The following MEF2B variants were observed in gnomAD, a reference collection of about 807,000 sequenced individuals.
MEF2B encodes myocyte enhancer factor 2B, also known as myocyte-specific enhancer factor 2B.
MEF2B carries 15 observed loss-of-function variants against 32.2 expected under a neutral mutation model. The ratio of observed to expected loss-of-function variants is 0.47; its 90% confidence interval spans 0.31 to 0.72. The LOEUF is 0.72. Among genes scored for constraint, MEF2B ranks in the 30% least tolerant of loss-of-function variants. The pLI is 0.05. For missense variants in MEF2B, 441 were observed against 511.5 expected (o/e 0.86, Z 1.33); for synonymous variants, 205 against 225.6 (o/e 0.91, Z 0.82).
chr19:19,162,106 T>A (rs1458888046), intron 1 of MEF2B, among the ~76,000 whole-genome samples: 4 of 151,400 alleles, frequency 2.6e-5, no homozygotes, highest in Non-Finnish European at 4.4e-5. Context: ...CTGGCTGGGT[T>A]TCCTCTTTTT....
At chr19:19,163,643 AGTTTTCT>A (rs2060184802) in intron 1 of MEF2B, among the ~76,000 whole-genome samples, 1 of 151,448 alleles carries the variant, frequency 6.6e-6, no homozygotes, top group African/African-American at 2.4e-5. Context: ...CAACTTGCTC[AGTTTTCT>A]GTTTTTCTTT....
chr19:19,157,749 G>A (rs1348704431), intron 1 of MEF2B, among the ~76,000 whole-genome samples: 1 of 152,224 alleles, frequency 6.6e-6, no homozygotes, highest in Non-Finnish European at 1.5e-5. Flanking sequence ...TCGGGAGGCT[G>A]AGGCAGGAGA....
intron 1 of MEF2B, among the ~76,000 whole-genome samples, chr19:19,154,494 C>G (rs1052508241): frequency 1.3e-5 from 2 of 151,666 alleles, no homozygotes; most frequent in African/African-American, 2.4e-5. Context: ...GAGGCTTGCT[C>G]TGTCATGTAG....
Position 19,149,261 on chromosome 19 carries a change from G to C in MEF2B, c.223C>G (p.Pro75Ala). The C allele has an allele frequency of 6.2e-7, 1 of 1,613,960 alleles. No homozygotes were observed. Among genetic ancestry groups the C allele is most frequent in the Admixed American group, 1.7e-5 (1 of 59,974 alleles). ...TCAGTGTTGGTGCGGCTCTCGTGGG[G>C]CTCGCTGTACTCTGTGTACTTCAGC... ...VLLKYTEYSE[P>A]HESRTNTDIL... The change falls in exon 3 of 9, where the codon CCC becomes GCC. Residue 75 changes from proline to alanine, a missense_variant. Coordinates refer to ENST00000424583, the MANE Select transcript of MEF2B (RefSeq NM_001145785.2).
In MEF2B at chr19:19,146,402, G is replaced by A; in HGVS notation, c.770-18C>T. ...GCCATATTCTGGTGGGCAGGAATTG[G>A]GGGCTGAGGCCTGGACATCTCCTTA... On this transcript the variant is annotated intron_variant, in intron 7 of 8. Coordinates refer to ENST00000424583, the MANE Select transcript of MEF2B (RefSeq NM_001145785.2). 1 of 1,079,370 alleles carries A rather than the reference G, an allele frequency of 9.3e-7. No individual in the cohort carries two copies. Among genetic ancestry groups the A allele is most frequent in the Non-Finnish European group, 1.3e-6 (1 of 788,110 alleles). The allele number at this position is 1,079,370 out of a possible 1,614,324, so 66.9% of individuals were successfully genotyped here.
chr19:19,169,943 C>G (rs920186380), intron 1 of MEF2B, among the ~76,000 whole-genome samples: 1 of 152,134 alleles, frequency 6.6e-6, no homozygotes, highest in African/African-American at 2.4e-5. Context: ...AACTCTCCAA[C>G]TCCCCAACTC....
At chr19:19,158,445 T>TAA (rs370149412) in intron 1 of MEF2B, among the ~76,000 whole-genome samples, 8 of 124,120 alleles carry the variant, frequency 6.4e-5, no homozygotes, top group African/African-American at 5.9e-5. Flanking sequence ...ACCCTGCCCC[T>TAA]AAAAAAAAAA....
chr19:19,146,710 C>T (rs1282739252), intron 6 of MEF2B, 32 bp downstream of exon 6: 3 of 1,613,800 alleles, frequency 1.9e-6, no homozygotes, highest in Non-Finnish European at 2.5e-6. Flanking sequence ...TGCCTGCCCT[C>T]ATCAGCCCTG....
At chr19:19,149,486 G>A in intron 2 of MEF2B, 57 bp from the exon 3 acceptor site, 1 of 1,605,644 alleles carries the variant, frequency 6.2e-7, no homozygotes, top group Non-Finnish European at 8.5e-7. Flanking sequence ...AATGTGGGGT[G>A]GTGTAGGGGA....
chr19:19,145,788 G>T lies in MEF2B; in HGVS notation c.*9C>A. The stretch of plus-strand genomic sequence containing the variant: ...CGAGCGCTCTGGGCTGGTGCCACCG[G>T]GTGATCTCCTACCGGGGCCAGCCGT... On this transcript the variant is annotated 3_prime_UTR_variant, in exon 9 of 9. Transcript: ENST00000424583. The surrounding 1 kb of genome is among the most constrained non-coding windows in gnomAD (Gnocchi z 4.6). 1 of 1,547,752 alleles carries T rather than the reference G, an allele frequency of 6.5e-7. No homozygotes were observed. Among genetic ancestry groups the T allele is most frequent in the Non-Finnish European group, 8.7e-7 (1 of 1,145,348 alleles).
chr19:19,167,428 A>G (rs2060218103), intron 1 of MEF2B, among the ~76,000 whole-genome samples: 1 of 151,210 alleles, frequency 6.6e-6, no homozygotes, highest in Non-Finnish European at 1.5e-5. Context: ...AGGCTGAGGC[A>G]GGAGGATCAC....
chr19:19,156,414 T>C (rs558464271), intron 1 of MEF2B, among the ~76,000 whole-genome samples: 2 of 152,070 alleles, frequency 1.3e-5, no homozygotes, highest in East Asian at 3.9e-4. Context: ...AATTTTTTTT[T>C]TAAAGGCAAT....
chr19:19,170,012 GAC>G (rs2080909199), intron 1 of MEF2B, among the ~76,000 whole-genome samples, 191 bp downstream of exon 1: 2 of 151,914 alleles, frequency 1.3e-5, no homozygotes, highest in Non-Finnish European at 2.9e-5. Context: ...ACACCCTTCA[GAC>G]ACACACCCCT....
At chr19:19,155,525 T>C (rs1254501657) in intron 1 of MEF2B, among the ~76,000 whole-genome samples, 3 of 152,198 alleles carry the variant, frequency 2.0e-5, no homozygotes, top group African/African-American at 7.2e-5. Context: ...GAGATGTCAC[T>C]GACCCCCTCC....
chr19:19,164,256 G>A (rs1282433376), intron 1 of MEF2B, among the ~76,000 whole-genome samples: 1 of 151,986 alleles, frequency 6.6e-6, no homozygotes, highest in African/African-American at 2.4e-5. Context: ...CCGTGAGCCC[G>A]GCCCTACTTG....
chr19:19,145,896 G>A lies in MEF2B; in HGVS notation c.1008C>T (p.Thr336=). The part of the protein sequence containing the change: ...APGGPGDFPK[T]FPYPLLLARS... Reference sequence around the variant, plus strand: ...GGGCGAGGAGCAAGGGATAGGGGAAGGTCTTAGGAAAGTCGCCGGGGCCCC... The same window carrying A: ...GGGCGAGGAGCAAGGGATAGGGGAAAGTCTTAGGAAAGTCGCCGGGGCCCC... Residue 336 remains threonine (T), a synonymous_variant, in exon 9 of 9, where the codon ACC becomes ACT. Transcript: ENST00000424583. This position sits in a 1 kb window ranked among gnomAD's most constrained non-coding sequence, Gnocchi z 4.6. 1 of 1,458,524 alleles carries A rather than the reference G, an allele frequency of 6.9e-7. No homozygotes were observed. Among genetic ancestry groups the A allele is most frequent in the Non-Finnish European group, 9.1e-7 (1 of 1,103,890 alleles). The allele number at this position is 1,458,524 out of a possible 1,614,324, so 90.3% of individuals were successfully genotyped here.
chr19:19,151,906 T>G (rs2060084175), intron 1 of MEF2B, among the ~76,000 whole-genome samples: 1 of 151,106 alleles, frequency 6.6e-6, no homozygotes. Flanking sequence ...GCAGATCACT[T>G]GAGATCAGGA....
At chr19:19,161,006 C>G (rs2060157552) in intron 1 of MEF2B, among the ~76,000 whole-genome samples, 1 of 152,128 alleles carries the variant, frequency 6.6e-6, no homozygotes, top group Non-Finnish European at 1.5e-5. Context: ...CTCAGGGACT[C>G]AGGGGAGACG....
At chr19:19,169,214 G>A (rs1013816197) in intron 1 of MEF2B, among the ~76,000 whole-genome samples, 2 of 151,782 alleles carry the variant, frequency 1.3e-5, no homozygotes, top group Admixed American at 6.6e-5. Flanking sequence ...CTAGCCAGGC[G>A]GTAGTGGCAC....
Sources: gnomAD v4.1 joint callset for allele counts (sites outside exome capture counted in the v4.1 genomes callset) on GRCh38, gnomAD v4.1.1 for gene constraint, Gnocchi (gnomAD v3.1) non-coding constraint, MANE v1.5 for transcripts, NCBI Gene and HGNC (gene_info 2026-07-23, HGNC 2026-07-21) for gene names.